The following PREX2 variants were observed in gnomAD, a reference collection of about 807,000 sequenced individuals.
PREX2 encodes the protein phosphatidylinositol-3,4,5-trisphosphate dependent Rac exchange factor 2.
Under a neutral mutation model 203.2 loss-of-function variants are expected in PREX2, and 107 were observed. The observed-to-expected ratio is 0.53, with a 90% CI of 0.45 to 0.62. The LOEUF (loss-of-function observed/expected upper bound fraction) is 0.62. Among genes scored for constraint, PREX2 ranks in the 20% least tolerant of loss-of-function variants. The pLI, the probability that PREX2 is intolerant of heterozygous loss-of-function variation, is 0.00. For synonymous variants in PREX2, 672 were observed against 663.6 expected (o/e 1.01, Z -0.19); for missense variants, 1,777 against 1,955.9 (o/e 0.91, Z 1.72).
intron 5 of PREX2, among the ~76,000 whole-genome samples, chr8:68,027,699 A>G (rs1807768601): frequency 6.6e-6 from 1 of 152,042 alleles, no homozygotes; most frequent in South Asian, 2.1e-4. Context: ...AACTTTGATG[A>G]CTTTGTGATG....
intron 35 of PREX2, among the ~76,000 whole-genome samples, chr8:68,168,472 T>C (rs1182343505): frequency 6.6e-6 from 1 of 152,240 alleles, no homozygotes. Flanking sequence ...TGTCTCTTTC[T>C]TGGAGAAAGC....
chr8:67,971,210 G>A (rs1805917876), intron 1 of PREX2, among the ~76,000 whole-genome samples: 1 of 152,170 alleles, frequency 6.6e-6, no homozygotes, highest in South Asian at 2.1e-4. Context: ...CCTTGGTTCA[G>A]AAAGCGTCGT....
At chr8:68,062,755 T>TA (rs1004139317) in intron 11 of PREX2, among the ~76,000 whole-genome samples, 1 of 149,048 alleles carries the variant, frequency 6.7e-6, no homozygotes, top group African/African-American at 2.5e-5. Context: ...TTTTTTTTTT[T>TA]ACTTTGAAAT....
chr8:68,093,711 G>A lies in PREX2; in HGVS notation c.2357G>A (p.Cys786Tyr), dbSNP rs753947887. The change falls in exon 21 of 40, where the codon TGT becomes TAT. Residue 786 changes from cysteine to tyrosine, a missense_variant. Physicochemically the swap from Cys to Tyr is radical, Grantham distance 194. Coordinates refer to ENST00000288368, the MANE Select transcript of PREX2 (RefSeq NM_024870.4). The part of the protein sequence containing the change: ...PGDEAGDAFD[C>Y]KVEEVIDKFN... ...GATGAAGCAGGGGATGCTTTTGACT[G>A]TAAAGTAGAAGGTAGGTTTCTTATT... The A allele has an allele frequency of 1.3e-6, 2 of 1,569,248 alleles. No homozygotes were observed. The highest frequency in any genetic ancestry group is 1.8e-6 in the Non-Finnish European group (2 of 1,141,582).
chr8:68,189,016 G>A (rs1367422880), intron 35 of PREX2, among the ~76,000 whole-genome samples: 3 of 152,184 alleles, frequency 2.0e-5, no homozygotes. Flanking sequence ...TTCTAGTGGG[G>A]AGTTTACATT....
intron 35 of PREX2, among the ~76,000 whole-genome samples, chr8:68,160,387 T>C (rs1811631152): frequency 6.6e-6 from 1 of 152,068 alleles, no homozygotes; most frequent in Admixed American, 6.6e-5. Flanking sequence ...TGGCCTATAA[T>C]AATTTAACAT....
At chr8:68,101,908 G>T (rs1407811430) in intron 23 of PREX2, among the ~76,000 whole-genome samples, 4 of 152,118 alleles carry the variant, frequency 2.6e-5, no homozygotes, top group Non-Finnish European at 5.9e-5. Flanking sequence ...TAGGATCAGG[G>T]TATATTAGGT....
chr8:68,068,365 G>C (rs1809082049), intron 11 of PREX2, among the ~76,000 whole-genome samples: 1 of 151,892 alleles, frequency 6.6e-6, no homozygotes, highest in Non-Finnish European at 1.5e-5. Flanking sequence ...CTTGAGGATG[G>C]TAATAAAGAA....
intron 6 of PREX2, 57 bp from the exon 7 acceptor site, chr8:68,038,102 T>G: frequency 6.5e-7 from 1 of 1,549,492 alleles, no homozygotes. Context: ...GAAAAATAAT[T>G]ATTTACAGAA....
chr8:67,993,364 C>A (rs1401589445), intron 1 of PREX2, among the ~76,000 whole-genome samples: 13 of 150,882 alleles, frequency 8.6e-5, no homozygotes, highest in African/African-American at 2.9e-4. Context: ...CTATGTCTTG[C>A]AACTACTTTT....
chr8:68,193,042 G>A (rs930769267), intron 37 of PREX2, among the ~76,000 whole-genome samples: 2 of 152,132 alleles, frequency 1.3e-5, no homozygotes, highest in Non-Finnish European at 2.9e-5. Context: ...TATTTGATGG[G>A]TTCTTTTCAG....
intron 30 of PREX2, among the ~76,000 whole-genome samples, chr8:68,126,933 C>T (rs1563557417): frequency 3.3e-5 from 5 of 151,716 alleles, no homozygotes; most frequent in African/African-American, 1.2e-4. Flanking sequence ...TATATACACA[C>T]ATGTGTAAAC....
chr8:68,137,564 C>T (rs140962820), intron 32 of PREX2, among the ~76,000 whole-genome samples: 16 of 152,216 alleles, frequency 1.1e-4, no homozygotes, highest in Non-Finnish European at 7.4e-5. Context: ...AGCCACCGTG[C>T]CTGACCATTG....
At chr8:68,059,400 CTA>C in intron 10 of PREX2, among the ~76,000 whole-genome samples, 1 of 152,182 alleles carries the variant, frequency 6.6e-6, no homozygotes. Flanking sequence ...CAGATGTAAC[CTA>C]TAATCCACTG....
intron 1 of PREX2, among the ~76,000 whole-genome samples, chr8:67,967,896 A>G (rs1266863877): frequency 6.6e-6 from 1 of 152,078 alleles, no homozygotes; most frequent in Non-Finnish European, 1.5e-5. Context: ...ACACTTGGAC[A>G]CAGGGTGGGG....
intron 4 of PREX2, among the ~76,000 whole-genome samples, chr8:68,025,405 C>G (rs139563840): frequency 6.6e-6 from 1 of 151,818 alleles, no homozygotes; most frequent in Non-Finnish European, 1.5e-5. Flanking sequence ...TATGATGGGT[C>G]ATTTTTCTCT....
At chr8:68,051,514 C>A (rs764480457) in intron 8 of PREX2, among the ~76,000 whole-genome samples, 2 of 151,958 alleles carry the variant, frequency 1.3e-5, no homozygotes, top group South Asian at 4.1e-4. Flanking sequence ...GAGTTTTAAA[C>A]GTGTAGAATT....
At chr8:68,134,374 T>G (rs1811069943) in intron 32 of PREX2, 98 bp downstream of exon 32, 2 of 977,616 alleles carry the variant, frequency 2.0e-6, no homozygotes, top group Middle Eastern at 6.6e-4. Flanking sequence ...CCGCTGGTTA[T>G]CTCTATGAAT....
chr8:68,185,321 CT>C (rs1342963096), intron 35 of PREX2, among the ~76,000 whole-genome samples: 1 of 152,048 alleles, frequency 6.6e-6, no homozygotes, highest in Non-Finnish European at 1.5e-5. Context: ...CTTAGCCAGC[CT>C]TCTCTCTCTC....
Sources: allele counts gnomAD v4.1 joint callset (sites outside exome capture counted in the v4.1 genomes callset), GRCh38; gene constraint gnomAD v4.1.1; transcripts MANE v1.5; gene names NCBI Gene and HGNC (gene_info 2026-07-23, HGNC 2026-07-21).